Variants in AKT3 observed in about 807,000 individuals in gnomAD.
AKT3 encodes the protein RAC-gamma serine/threonine-protein kinase.
A neutral mutation model predicts 65.3 loss-of-function variants in AKT3; 15 were observed. The ratio of observed to expected loss-of-function variants is 0.23; its 90% confidence interval spans 0.15 to 0.35. AKT3 has a LOEUF of 0.35. AKT3 is among the 10% of genes least tolerant of loss of function. The pLI is 1.00. For missense variants in AKT3, 243 were observed against 576.5 expected, an observed-to-expected ratio of 0.42 and a Z score of 5.92; for synonymous variants, 206 against 183.8, an observed-to-expected ratio of 1.12 and a Z score of -0.98.
At chr1:243,684,164 T>C (rs1405128280) in intron 3 of AKT3, among the ~76,000 whole-genome samples, 1 of 152,190 alleles carries the variant, frequency 6.6e-6, no homozygotes, top group Non-Finnish European at 1.5e-5. Context: ...TTTTTTACTT[T>C]TTTTTATTAT....
intron 2 of AKT3, among the ~76,000 whole-genome samples, chr1:243,807,219 C>T (rs1481795678): frequency 6.6e-6 from 1 of 152,144 alleles, no homozygotes; most frequent in African/African-American, 2.4e-5. Flanking sequence ...CAAGCGTGAG[C>T]CAAAGCAGGG....
chr1:243,694,470 T>C (rs967078794), intron 3 of AKT3, among the ~76,000 whole-genome samples: 3 of 143,602 alleles, frequency 2.1e-5, no homozygotes, highest in Non-Finnish European at 3.0e-5. Flanking sequence ...ACACACTTCA[T>C]AGTGATCTCA....
At chr1:243,630,739 G>A (rs192736920) in intron 6 of AKT3, among the ~76,000 whole-genome samples, 1 of 152,152 alleles carries the variant, frequency 6.6e-6, no homozygotes, top group East Asian at 1.9e-4. Context: ...CACTGACAGG[G>A]TTTATAACAT....
intron 3 of AKT3, among the ~76,000 whole-genome samples, chr1:243,678,045 G>A (rs183344651): frequency 2.0e-5 from 3 of 152,160 alleles, no homozygotes; most frequent in African/African-American, 7.2e-5. Context: ...CCGAGATCGC[G>A]CCATTCCACT....
intron 4 of AKT3, among the ~76,000 whole-genome samples, chr1:243,647,462 G>A (rs1680908588): frequency 6.6e-6 from 1 of 152,182 alleles, no homozygotes; most frequent in South Asian, 2.1e-4. Flanking sequence ...TTTACACAAT[G>A]TTCCTAATGA....
At chr1:243,558,402 A>G (rs962251163) in intron 10 of AKT3, among the ~76,000 whole-genome samples, 2 of 152,070 alleles carry the variant, frequency 1.3e-5, no homozygotes, top group African/African-American at 2.4e-5. Context: ...AAAATGTTAC[A>G]TTATATGCAA....
chr1:243,811,345 T>C (rs995367213), intron 2 of AKT3, among the ~76,000 whole-genome samples: 1 of 152,226 alleles, frequency 6.6e-6, no homozygotes, highest in African/African-American at 2.4e-5. Context: ...ACAAAATCCA[T>C]GTGCCAAAAT....
intron 12 of AKT3, among the ~76,000 whole-genome samples, chr1:243,520,055 G>T (rs935075315): frequency 5.9e-5 from 9 of 152,104 alleles, no homozygotes; most frequent in African/African-American, 1.9e-4. Context: ...TTCAAATATT[G>T]TATTATTATA....
rs552471372 is a variant in AKT3 at position 243,778,784 on chromosome 1, G to A, written c.46+64341C>T. On this transcript the variant is annotated intron_variant, in intron 2 of 13. Transcript: ENST00000673466. ...ATCTGCCTGTTTAACCCTGCTTTCT[G>A]GATAAAATATTAGTTGTTTTTCATT... 9.9e-5 allele frequency among the ~76,000 whole-genome samples: 15 copies of A among 152,140 alleles called. 1 individual carries two copies. In the South Asian group the frequency reaches 2.9e-3, roughly 29 times the overall value.
Position 243,798,403 on chromosome 1 carries a change from T to TG in AKT3, c.46+44721_46+44722insC. 2.3e-5 allele frequency among the ~76,000 whole-genome samples: 3 copies of TG among 131,824 alleles called. No homozygotes were observed. In the South Asian group the frequency reaches 7.7e-4, roughly 34 times the overall value. 86.5% of individuals were successfully genotyped at this position (131,824 alleles called of 152,430 possible). A position where few individuals can be genotyped will look rare whatever the true frequency, so the allele number is the denominator to read the frequency against. On this transcript the variant is annotated intron_variant, in intron 2 of 13. Transcript: ENST00000673466. ...CCTGGCTAATTTTTAATTTTTTTTT[T>TG]TTTTTTTTTTTTTTGTTTTGTAGAG...
At chr1:243,569,021 T>C (rs1574624967) in intron 9 of AKT3, among the ~76,000 whole-genome samples, 1 of 152,174 alleles carries the variant, frequency 6.6e-6, no homozygotes, top group Non-Finnish European at 1.5e-5. Flanking sequence ...ACTGCAGCAA[T>C]AGAAATAAAC....
intron 4 of AKT3, among the ~76,000 whole-genome samples, chr1:243,654,804 C>G (rs772351422): frequency 6.6e-6 from 1 of 152,158 alleles, no homozygotes; most frequent in African/African-American, 2.4e-5. Flanking sequence ...TTGACATTAT[C>G]TTTTGGTCTA....
intron 1 of AKT3, among the ~76,000 whole-genome samples, chr1:243,846,523 A>G (rs1052502456): frequency 6.6e-5 from 10 of 152,214 alleles, no homozygotes; most frequent in African/African-American, 2.4e-4. Flanking sequence ...GTCAAGAAGC[A>G]TATATTAATT....
chr1:243,833,025 TGAGATGGCTGGATCA>T (rs1694637681), intron 2 of AKT3, among the ~76,000 whole-genome samples: 2 of 151,924 alleles, frequency 1.3e-5, no homozygotes, highest in Admixed American at 1.3e-4. Context: ...TTTGGGAGGC[TGAGATGGCTGGATCA>T]CCTGAGGTCA....
At chr1:243,498,685 G>A (rs145344430), downstream of AKT3, among the ~76,000 whole-genome samples, 4 of 152,300 alleles carry the variant, frequency 2.6e-5, no homozygotes, top group East Asian at 1.9e-4. Flanking sequence ...TCTTGAATGC[G>A]GATTCAGTTT....
At chr1:243,772,120 T>C (rs1178089664) in intron 2 of AKT3, among the ~76,000 whole-genome samples, 15 of 152,280 alleles carry the variant, frequency 9.9e-5, no homozygotes, top group African/African-American at 2.2e-4. Context: ...ATTCAGGACA[T>C]AGGCATAGGC....
intron 8 of AKT3, among the ~76,000 whole-genome samples, chr1:243,574,460 C>T (rs944880303): frequency 1.3e-5 from 2 of 151,996 alleles, no homozygotes; most frequent in Non-Finnish European, 2.9e-5. Flanking sequence ...TCATATGCTA[C>T]GAATTGGGAC....
intron 2 of AKT3, among the ~76,000 whole-genome samples, chr1:243,699,512 T>TATATAA (rs1253293936): frequency 7.9e-6 from 1 of 126,602 alleles, no homozygotes; most frequent in African/African-American, 3.3e-5. Flanking sequence ...TATATATATA[T>TATATAA]AATCTTCATG....
intron 10 of AKT3, among the ~76,000 whole-genome samples, chr1:243,562,586 G>C (rs1673871465): frequency 1.3e-5 from 2 of 152,214 alleles, no homozygotes; most frequent in South Asian, 4.1e-4. Flanking sequence ...GTGTTCCCTA[G>C]GACATTTGCT....
Sources: allele counts gnomAD v4.1 joint callset (sites outside exome capture counted in the v4.1 genomes callset), GRCh38; gene constraint gnomAD v4.1.1; transcripts MANE v1.5; gene names NCBI Gene and HGNC (gene_info 2026-07-23, HGNC 2026-07-21).